Variants in PPM1L observed in about 807,000 individuals in gnomAD.
PPM1L encodes protein phosphatase, Mg2+/Mn2+ dependent 1L, also known as protein phosphatase 1L.
In PPM1L, 13 loss-of-function variants were observed where a neutral mutation model predicts 31.4. The ratio of observed to expected loss-of-function variants is 0.41; its 90% confidence interval spans 0.27 to 0.66. The LOEUF (loss-of-function observed/expected upper bound fraction) is 0.66. Among genes scored for constraint, PPM1L ranks in the 30% least tolerant of loss-of-function variants. The pLI is 0.29. For synonymous variants in PPM1L, 184 were observed against 175.4 expected (o/e 1.05, Z -0.39); for missense variants, 326 against 453.7 (o/e 0.72, Z 2.56).
chr3:161,055,157 A>G (rs1719377952), intron 2 of PPM1L, among the ~76,000 whole-genome samples: 1 of 152,164 alleles, frequency 6.6e-6, no homozygotes, highest in Admixed American at 6.5e-5. Flanking sequence ...GAAAGATTAA[A>G]GCTTACTGTT....
rs575980399 is a variant in PPM1L, at chr3:161,008,233, A to G, written c.574+46323A>G. On this transcript the variant is annotated intron_variant, in intron 2 of 3. Coordinates refer to ENST00000498165, the MANE Select transcript of PPM1L (RefSeq NM_139245.4). The stretch of plus-strand genomic sequence containing the variant: ...GACCTTTCTTGTTTGATTTTAGGCC[A>G]TAAGACCGCCATTCCAGAGAGGGCC... 1.4e-4 allele frequency among the ~76,000 whole-genome samples: 22 copies of G among 152,346 alleles called. No homozygotes were observed. In the South Asian group the frequency reaches 3.7e-3, roughly 26 times the overall value.
intron 2 of PPM1L, among the ~76,000 whole-genome samples, chr3:161,014,766 G>A (rs1418810198): frequency 6.6e-6 from 1 of 152,112 alleles, no homozygotes; most frequent in African/African-American, 2.4e-5. Context: ...CACTGCTCCT[G>A]GCCAGGATTT....
intron 1 of PPM1L, among the ~76,000 whole-genome samples, chr3:160,937,576 C>T (rs1452204519): frequency 2.0e-5 from 3 of 151,932 alleles, no homozygotes; most frequent in East Asian, 3.9e-4. Flanking sequence ...GCCGAGATCG[C>T]GCCACTGCAC....
rs907755540 is a variant in PPM1L at position 161,071,737 on chromosome 3, C to G, written c.*2580C>G. On this transcript the variant is annotated 3_prime_UTR_variant, in exon 4 of 4. Coordinates refer to ENST00000498165, the MANE Select transcript of PPM1L (RefSeq NM_139245.4). ...CTTCTGGAGCTCTCTCTCCCTAGCCCTTTTCCAGCTGTTGGGGATGTGCAG... is the reference window on the plus strand; with the variant it reads ...CTTCTGGAGCTCTCTCTCCCTAGCCGTTTTCCAGCTGTTGGGGATGTGCAG... 1 of 152,196 alleles carries G rather than the reference C, an allele frequency of 6.6e-6. No individual in the cohort carries two copies. The highest frequency in any genetic ancestry group is 1.5e-5 in the Non-Finnish European group (1 of 68,058). The allele number at this position is 152,196 out of a possible 1,614,324, so 9.4% of individuals were successfully genotyped here. A position where few individuals can be genotyped will look rare whatever the true frequency, so the allele number is the denominator to read the frequency against.
At chr3:160,972,674 C>T (rs1716391223) in intron 2 of PPM1L, among the ~76,000 whole-genome samples, 1 of 152,128 alleles carries the variant, frequency 6.6e-6, no homozygotes, top group Non-Finnish European at 1.5e-5. Context: ...GTGCATGTGT[C>T]TTTATAGCAG....
intron 1 of PPM1L, among the ~76,000 whole-genome samples, chr3:160,809,746 A>G (rs1712754092): frequency 6.6e-6 from 1 of 152,066 alleles, no homozygotes; most frequent in South Asian, 2.1e-4. Context: ...CCTGCTGCTT[A>G]CCAATGCCAC....
intron 2 of PPM1L, among the ~76,000 whole-genome samples, chr3:161,028,619 G>A (rs1388263009): frequency 6.6e-6 from 1 of 152,180 alleles, no homozygotes; most frequent in Admixed American, 6.5e-5. Context: ...GGGCCAGCAT[G>A]GTTGTTGCTG....
At chr3:160,904,046 T>G (rs923894211) in intron 1 of PPM1L, among the ~76,000 whole-genome samples, 8 of 152,164 alleles carry the variant, frequency 5.3e-5, no homozygotes, top group Non-Finnish European at 8.8e-5. Context: ...GAAACTACTC[T>G]GAATAAGCAT....
chr3:161,044,846 G>C (rs1359928711), intron 2 of PPM1L, among the ~76,000 whole-genome samples: 1 of 152,128 alleles, frequency 6.6e-6, no homozygotes, highest in African/African-American at 2.4e-5. Context: ...AAAGAGTCAA[G>C]ACCCATCAGT....
chr3:160,934,570 T>A (rs1714898395), intron 1 of PPM1L, among the ~76,000 whole-genome samples: 1 of 152,358 alleles, frequency 6.6e-6, no homozygotes, highest in South Asian at 2.1e-4. Context: ...TCTGTAATGA[T>A]ATACATCATT....
intron 1 of PPM1L, among the ~76,000 whole-genome samples, chr3:160,932,659 C>T (rs944740577): frequency 1.3e-5 from 2 of 152,000 alleles, no homozygotes; most frequent in Non-Finnish European, 2.9e-5. Context: ...ATCATTTTCC[C>T]CAAGTTCATT....
At chr3:160,762,379 G>A (rs778454014) in intron 1 of PPM1L, among the ~76,000 whole-genome samples, 4 of 152,248 alleles carry the variant, frequency 2.6e-5, no homozygotes, top group Admixed American at 6.5e-5. Context: ...GTAGGAACCT[G>A]ACTGCTGACC....
Position 160,805,464 on chromosome 3 carries a change from G to A in PPM1L, c.399+48757G>A, listed in dbSNP as rs549330983. 2.3e-4 allele frequency among the ~76,000 whole-genome samples: 35 copies of A among 152,314 alleles called. 1 individual carries two copies. In the East Asian group the frequency reaches 6.4e-3, roughly 28 times the overall value. On this transcript the variant is annotated intron_variant, in intron 1 of 3. Transcript: ENST00000498165. ...AGGCCGGGTGCAGTGGCTCATGCCT[G>A]TAATCCCAGGACTTTGGGAAGCCGA...
chr3:160,960,142 G>A (rs190367687), intron 1 of PPM1L, among the ~76,000 whole-genome samples: 3,784 of 150,952 alleles, frequency 0.025, 82 homozygotes, highest in South Asian at 0.042. Context: ...GTTGATTAGC[G>A]TGTATCATAT....
At chr3:160,809,663 A>G (rs935691315) in intron 1 of PPM1L, among the ~76,000 whole-genome samples, 2 of 152,130 alleles carry the variant, frequency 1.3e-5, no homozygotes, top group African/African-American at 2.4e-5. Flanking sequence ...ATTACTAGAT[A>G]TAGCACTTGT....
intron 1 of PPM1L, among the ~76,000 whole-genome samples, chr3:160,948,561 C>T (rs375153060): frequency 6.7e-4 from 102 of 152,174 alleles, no homozygotes; most frequent in East Asian, 2.3e-3. Context: ...GCCTGTTTTA[C>T]GCAGCTTGCT....
chr3:160,905,243 A>T (rs1713713642), intron 1 of PPM1L, among the ~76,000 whole-genome samples: 1 of 152,212 alleles, frequency 6.6e-6, no homozygotes. Flanking sequence ...TCTCTGAATA[A>T]ATGTTCTTCC....
intron 1 of PPM1L, among the ~76,000 whole-genome samples, chr3:160,835,061 C>CTTCTTCTTCTTCTTCTTCTTCTTCTTT (rs1713662778): frequency 2.1e-5 from 3 of 143,122 alleles, no homozygotes; most frequent in African/African-American, 8.6e-5. Flanking sequence ...TCTTCTTCTT[C>CTTCTTCTTCTTCTTCTTCTTCTTCTTT]TTCTTCTTCT....
chr3:160,760,596 G>A (rs1714944947), intron 1 of PPM1L, among the ~76,000 whole-genome samples: 1 of 151,782 alleles, frequency 6.6e-6, no homozygotes, highest in Admixed American at 6.5e-5. Flanking sequence ...AAGGTAAAAA[G>A]GAGCTCGTTA....
Sources: allele counts gnomAD v4.1 joint callset (sites outside exome capture counted in the v4.1 genomes callset), GRCh38; gene constraint gnomAD v4.1.1; transcripts MANE v1.5; gene names NCBI Gene and HGNC (gene_info 2026-07-23, HGNC 2026-07-21).